The following CA6 variants were observed in gnomAD, a reference collection of about 807,000 sequenced individuals.
CA6 encodes carbonate dehydratase VI.
In CA6, 28 loss-of-function variants were observed where a neutral mutation model predicts 35.9. That is an observed-to-expected ratio of 0.78 (90% CI 0.58 to 1.07). CA6 has a LOEUF of 1.07. Among genes scored for constraint, CA6 ranks in the 50% least tolerant of loss-of-function variants. The probability of loss-of-function intolerance (pLI) is 0.00; values close to 1 mark genes in which losing one functional copy is unlikely to be tolerated. For synonymous variants in CA6, 148 were observed against 152.6 expected (o/e 0.97, Z 0.22); for missense variants, 377 against 382.0 (o/e 0.99, Z 0.11).
chr1:8,957,910 A>G (rs989410218), intron 3 of CA6, among the ~76,000 whole-genome samples: 3 of 152,066 alleles, frequency 2.0e-5, no homozygotes, highest in African/African-American at 7.2e-5. Flanking sequence ...GTAAGTCCTG[A>G]TCATGCCGCT....
chr1:8,962,613 T>A lies in CA6; in HGVS notation c.528T>A (p.Tyr176Ter). 6.2e-7 allele frequency: 1 copy of A among 1,613,934 alleles called. No homozygotes were observed. Among genetic ancestry groups the A allele is most frequent in the Non-Finnish European group, 8.5e-7 (1 of 1,179,824 alleles). Residue 176 changes from tyrosine (Y) to a stop codon, truncating the protein, a stop_gained, in exon 5 of 8, where the codon TAT becomes TAA. Transcript: ENST00000377443. LOFTEE classifies it high-confidence loss of function. ...VEVKNYPENTYYSNFISHLAN... is the reference protein window; with the variant it reads ...VEVKNYPENT Reference sequence around the variant, plus strand: ...TGAAGAATTACCCTGAAAACACTTATTACAGCAACTTCATTTCTCATCTGG... The same window carrying A: ...TGAAGAATTACCCTGAAAACACTTAATACAGCAACTTCATTTCTCATCTGG...
In CA6 at chr1:8,949,403, C is replaced by T. The variant is rs749765185; in HGVS notation, c.220C>T (p.Gln74Ter). Residue 74 changes from glutamine to a stop codon, truncating the protein, a stop_gained, in exon 2 of 8, where the codon CAG becomes TAG. Coordinates refer to ENST00000377443, the MANE Select transcript of CA6 (RefSeq NM_001215.4). LOFTEE classifies it high-confidence loss of function. ...KGLNMTGYETQAGEFPMVNNG... is the reference protein window; with the variant it reads ...KGLNMTGYET ...GCTCAATATGACAGGCTATGAGACC[C>T]AGGCAGGGGAGTTCCCCATGGTCAA... 10 of 1,613,316 alleles carry T rather than the reference C, an allele frequency of 6.2e-6. No individual in the cohort carries two copies. In the South Asian group the frequency reaches 1.1e-4, roughly 18 times the overall value.
chr1:8,973,754 TTC>T (rs1294869302), intron 7 of CA6, among the ~76,000 whole-genome samples: 21 of 20,988 alleles, frequency 1.0e-3, no homozygotes, highest in African/African-American at 7.4e-3. Flanking sequence ...CTTTCTTTCT[TTC>T]TTTCTTTCTT....
chr1:8,947,226 C>G (rs933495431), intron 1 of CA6, among the ~76,000 whole-genome samples: 1 of 152,092 alleles, frequency 6.6e-6, no homozygotes, highest in African/African-American at 2.4e-5. Context: ...ACAGCCCTTT[C>G]CAGGGGCAGT....
chr1:8,970,563 C>T (rs1366595858), intron 6 of CA6, among the ~76,000 whole-genome samples: 8 of 151,878 alleles, frequency 5.3e-5, no homozygotes, highest in Non-Finnish European at 1.0e-4. Flanking sequence ...GGCTGGAGTG[C>T]GGTTGCGTGA....
In CA6 at chr1:8,971,336, G is replaced by A. The variant is rs559680130; in HGVS notation, c.844+355G>A. On this transcript the variant is annotated intron_variant, in intron 7 of 7. Transcript: ENST00000377443. Reference sequence around the variant, plus strand: ...CTTTTTTTTTTTTTTTTTTGAGACAGAGTCTCACTCTGTCACCCAGGCTGG... The same window carrying A: ...CTTTTTTTTTTTTTTTTTTGAGACAAAGTCTCACTCTGTCACCCAGGCTGG... Among the ~76,000 whole-genome samples the A allele has an allele frequency of 4.0e-4, 57 of 142,474 alleles. No individual in the cohort carries two copies. The South Asian group carries it at 7.3e-3, about 18-fold the overall frequency. The allele number at this position is 142,474 out of a possible 152,430, so 93.5% of individuals were successfully genotyped here. A position where few individuals can be genotyped will look rare whatever the true frequency, so the allele number is the denominator to read the frequency against.
intron 1 of CA6, among the ~76,000 whole-genome samples, chr1:8,948,123 C>T (rs1384009490): frequency 2.0e-5 from 3 of 152,058 alleles, no homozygotes; most frequent in Admixed American, 6.5e-5. Context: ...GTTGGGATTA[C>T]AGGCATGAGC....
intron 6 of CA6, among the ~76,000 whole-genome samples, chr1:8,969,241 G>T (rs1443923738): frequency 1.3e-5 from 2 of 151,974 alleles, no homozygotes; most frequent in Admixed American, 1.3e-4. Context: ...CTTGAACCCA[G>T]GAGGCGGATG....
At chr1:8,967,869 C>T in intron 6 of CA6, 53 bp downstream of exon 6, 1 of 1,545,078 alleles carries the variant, frequency 6.5e-7, no homozygotes, top group East Asian at 2.3e-5. Context: ...GCCTGGTTAA[C>T]AAGGGTTCTC....
intron 5 of CA6, among the ~76,000 whole-genome samples, chr1:8,964,897 C>T (rs543364176): frequency 7.6e-4 from 116 of 152,296 alleles, no homozygotes; most frequent in Non-Finnish European, 1.2e-3. Flanking sequence ...TGGGTGGAGT[C>T]AGGCTCTGTC....
intron 3 of CA6, 108 bp from the exon 4 acceptor site, chr1:8,958,802 C>T (rs1639757718): frequency 6.0e-6 from 4 of 662,334 alleles, no homozygotes; most frequent in Non-Finnish European, 8.1e-6. Context: ...GTGGAACAGT[C>T]TGAGGCCTCA....
chr1:8,958,369 T>C (rs940329647), intron 3 of CA6, among the ~76,000 whole-genome samples: 8 of 152,098 alleles, frequency 5.3e-5, no homozygotes, highest in Non-Finnish European at 1.2e-4. Context: ...GGTTTCGCCA[T>C]GTTGGTCAGG....
chr1:8,971,793 G>A (rs1443321257), intron 7 of CA6, among the ~76,000 whole-genome samples: 3 of 152,188 alleles, frequency 2.0e-5, no homozygotes, highest in African/African-American at 4.8e-5. Flanking sequence ...AAGCAGGTGC[G>A]GGCAGGCCAG....
intron 4 of CA6, 61 bp downstream of exon 4, chr1:8,959,063 G>A: frequency 1.0e-6 from 1 of 970,286 alleles, no homozygotes; most frequent in Non-Finnish European, 1.7e-6. Flanking sequence ...TCCAAACAAG[G>A]TGTGAAGTCT....
At chr1:8,951,395 T>G (rs752671036) in intron 2 of CA6, 1 of 748,350 alleles carries the variant, frequency 1.3e-6, no homozygotes, top group Non-Finnish European at 2.5e-6. Context: ...GAGCTCTTGT[T>G]TCCAAAGTTA....
At chr1:8,959,773 A>G (rs2124166214) in intron 4 of CA6, among the ~76,000 whole-genome samples, 1 of 151,920 alleles carries the variant, frequency 6.6e-6, no homozygotes, top group South Asian at 2.1e-4. Flanking sequence ...CTCTACTACA[A>G]ATACAAAAAT....
In CA6 at chr1:8,949,370, T is replaced by C. The variant is rs778815760; in HGVS notation, c.187T>C (p.Leu63=). 1.2e-6 allele frequency: 2 copies of C among 1,613,418 alleles called. No homozygotes were observed. Among genetic ancestry groups the C allele is most frequent in the Non-Finnish European group, 1.7e-6 (2 of 1,179,682 alleles). The part of the protein sequence containing the change: ...QRTKVRYNPS[L]KGLNMTGYET... Reference sequence around the variant, plus strand: ...GACGAAGGTGCGGTACAACCCCTCCTTGAAGGGGCTCAATATGACAGGCTA... The same window carrying C: ...GACGAAGGTGCGGTACAACCCCTCCCTGAAGGGGCTCAATATGACAGGCTA... Residue 63 remains leucine (L), a synonymous_variant, in exon 2 of 8, where the codon TTG becomes CTG. Coordinates refer to ENST00000377443, the MANE Select transcript of CA6 (RefSeq NM_001215.4).
chr1:8,964,819 T>C (rs555750575), intron 5 of CA6, among the ~76,000 whole-genome samples: 1 of 152,264 alleles, frequency 6.6e-6, no homozygotes, highest in East Asian at 1.9e-4. Flanking sequence ...TTAGTTTACC[T>C]TCAAAGGGTG....
At chr1:8,965,203 C>T (rs1008131774) in intron 5 of CA6, among the ~76,000 whole-genome samples, 1 of 152,120 alleles carries the variant, frequency 6.6e-6, no homozygotes, top group Non-Finnish European at 1.5e-5. Flanking sequence ...GAGATTGTGT[C>T]GCTGCACTCC....
Sources: allele counts gnomAD v4.1 joint callset (sites outside exome capture counted in the v4.1 genomes callset), GRCh38; gene constraint gnomAD v4.1.1; transcripts MANE v1.5; gene names NCBI Gene and HGNC (gene_info 2026-07-23, HGNC 2026-07-21).